The following SZT2 variants were observed in gnomAD, a reference collection of about 807,000 sequenced individuals.
The protein encoded by SZT2 is SZT2 subunit of KICSTOR complex.
A neutral mutation model predicts 404.2 loss-of-function variants in SZT2; 216 were observed. That is an observed-to-expected ratio of 0.53 (90% CI 0.48 to 0.60). The LOEUF is 0.60. Among genes scored for constraint, SZT2 ranks in the 20% least tolerant of loss-of-function variants. The pLI is 0.00. For synonymous variants in SZT2, 1,693 were observed against 1,749.9 expected (o/e 0.97, Z 0.81); for missense variants, 3,857 against 4,459.2 (o/e 0.86, Z 3.85).
Position 43,453,662 on chromosome 1 carries a change from C to G in SZT2, c.*3182C>G. The G allele has an allele frequency of 1.3e-6, 2 of 1,484,614 alleles. No individual in the cohort carries two copies. The highest frequency in any genetic ancestry group is 1.8e-6 in the Non-Finnish European group (2 of 1,125,532). 92.0% of individuals were successfully genotyped at this position (1,484,614 alleles called of 1,614,324 possible). ...GCGCGGCGCGCGCCAGCGCCTCAGG[C>G]GTCTCCGCGTACGGCCAGGCCACCT... On this transcript the variant is annotated 3_prime_UTR_variant, in exon 72 of 72. Coordinates refer to ENST00000634258, the MANE Select transcript of SZT2 (RefSeq NM_001365999.1).
rs1656517653 is a variant in SZT2, at chr1:43,452,237, T to A, written c.*1757T>A. 1 of 1,613,902 alleles carries A rather than the reference T, an allele frequency of 6.2e-7. No homozygotes were observed. The highest frequency in any genetic ancestry group is 8.5e-7 in the Non-Finnish European group (1 of 1,179,912). ...AAAACCCCAGCTGCATGCCTCAGGT[T>A]CTCCAGAAAAACGGCCTCCATCTCA... On this transcript the variant is annotated 3_prime_UTR_variant, in exon 72 of 72. Coordinates refer to ENST00000634258, the MANE Select transcript of SZT2 (RefSeq NM_001365999.1).
In SZT2 at chr1:43,452,457, C is replaced by G. The variant is rs1374415652; in HGVS notation, c.*1977C>G. On this transcript the variant is annotated 3_prime_UTR_variant, in exon 72 of 72. Coordinates refer to ENST00000634258, the MANE Select transcript of SZT2 (RefSeq NM_001365999.1). ...CACCTGGGTCACGATGCCCAGGTAT[C>G]CCAGCACTTTCAGAGACACTTCAGT... 1.4e-6 allele frequency: 1 copy of G among 738,510 alleles called. No individual in the cohort carries two copies. Among genetic ancestry groups the G allele is most frequent in the Non-Finnish European group, 2.5e-6 (1 of 406,292 alleles). 45.7% of individuals were successfully genotyped at this position (738,510 alleles called of 1,614,324 possible). A position where few individuals can be genotyped will look rare whatever the true frequency, so the allele number is the denominator to read the frequency against.
rs1478711435 is a variant in SZT2, at chr1:43,437,037, GATC to G, written c.6035-128_6035-126del. 1.6e-5 allele frequency: 19 copies of G among 1,208,246 alleles called. No individual in the cohort carries two copies. Among genetic ancestry groups the G allele is most frequent in the Middle Eastern group, 2.7e-4 (1 of 3,688 alleles). 74.8% of individuals were successfully genotyped at this position (1,208,246 alleles called of 1,614,324 possible). ...CTGGCCCTGTCGTGTTACCCAGAAT[GATC>G]ATCATTTCTCTGCAATAGTCAGGGA... On this transcript the variant is annotated intron_variant, in intron 42 of 71. Coordinates refer to ENST00000634258, the MANE Select transcript of SZT2 (RefSeq NM_001365999.1). The surrounding 1 kb of genome is among the most constrained non-coding windows in gnomAD (Gnocchi z 5.3).
In SZT2 at chr1:43,442,544, T is replaced by A. The variant is rs1655179001; in HGVS notation, c.8077T>A (p.Phe2693Ile). 2 of 1,614,064 alleles carry A rather than the reference T, an allele frequency of 1.2e-6. No individual in the cohort carries two copies. The highest frequency in any genetic ancestry group is 1.7e-6 in the Non-Finnish European group (2 of 1,179,960). Residue 2693 changes from phenylalanine to isoleucine, a missense_variant, in exon 58 of 72, where the codon TTC becomes ATC. This residue lies in a region of SZT2 where 573 missense variants were observed against 592.4 expected (regional missense o/e 0.97). Transcript: ENST00000634258. This position sits in a 1 kb window ranked among gnomAD's most constrained non-coding sequence, Gnocchi z 4.5. ...GCAGAATGCACGAGCCCATCTCATC[T>A]TCTGCCTACTCAGCCAGAAGCTTGG... ...QWQNARAHLI[F>I]CLLSQKLGLF...
At chr1:43,409,393 A>G (rs1312269171) in intron 4 of SZT2, 1 of 283,928 alleles carries the variant, frequency 3.5e-6, no homozygotes, top group Non-Finnish European at 7.1e-6. Context: ...TTTTGAGCGT[A>G]AAAGAGAGAA....
intron 3 of SZT2, 28 bp from the exon 4 acceptor site, chr1:43,404,352 C>A: frequency 1.3e-6 from 2 of 1,598,038 alleles, no homozygotes; most frequent in South Asian, 1.1e-5. Flanking sequence ...CCTTTGGACC[C>A]CCTTGAGTGC....
rs2153933166 is a variant in SZT2, at chr1:43,426,086, T to A, written c.2978T>A (p.Phe993Tyr). Residue 993 changes from phenylalanine to tyrosine, a missense_variant, in exon 21 of 72, where the codon TTT becomes TAT. Physicochemically the swap from Phe to Tyr is conservative, Grantham distance 22. Coordinates refer to ENST00000634258, the MANE Select transcript of SZT2 (RefSeq NM_001365999.1). This position sits in a 1 kb window ranked among gnomAD's most constrained non-coding sequence, Gnocchi z 4.9. ...DTCVHEIPFH[F>Y]DLMGLLPQCQ... ...TGCGTCCATGAGATCCCTTTCCATT[T>A]TGACCTAATGGGATTGCTGCCACAG... is the stretch of plus-strand genomic sequence containing the variant. 6.2e-7 allele frequency: 1 copy of A among 1,614,170 alleles called. No individual in the cohort carries two copies. Among genetic ancestry groups the A allele is most frequent in the Middle Eastern group, 1.7e-4 (1 of 6,058 alleles).
In SZT2 at chr1:43,428,023, C is replaced by G. The variant is rs766945400; in HGVS notation, c.3824C>G (p.Pro1275Arg). 6.2e-7 allele frequency: 1 copy of G among 1,614,146 alleles called. No homozygotes were observed. The highest frequency in any genetic ancestry group is 2.2e-5 in the East Asian group (1 of 44,888). ...CCTAGGACTCAGTTCCTCGACCACC[C>G]CTCCCCATCCTCAGCCTGGATGGAA... ...LIFRTQFLDHPSPSSAWMEPR... is the reference protein window; with the variant it reads ...LIFRTQFLDHRSPSSAWMEPR... Residue 1275 changes from proline (P) to arginine (R), a missense_variant, in exon 27 of 72, where the codon CCC becomes CGC. Around this residue, in one of 7 missense-constraint regions of SZT2, gnomAD observed 1,725 missense variants for 1,881.0 expected, o/e 0.92. Transcript: ENST00000634258.
At chr1:43,397,660 T>C (rs1649167819) in intron 1 of SZT2, among the ~76,000 whole-genome samples, 1 of 151,812 alleles carries the variant, frequency 6.6e-6, no homozygotes, top group South Asian at 2.1e-4. Context: ...CCTAAGTAGC[T>C]GGGACTACAG....
At position 43,424,442 on chromosome 1, in the gene SZT2, C is replaced by T; in HGVS notation, c.2471+10C>T. The T allele has an allele frequency of 1.3e-6, 2 of 1,596,530 alleles. No homozygotes were observed. The highest frequency in any genetic ancestry group is 1.7e-6 in the Non-Finnish European group (2 of 1,178,836). On this transcript the variant is annotated intron_variant, in intron 16 of 71. Coordinates refer to ENST00000634258, the MANE Select transcript of SZT2 (RefSeq NM_001365999.1). The surrounding 1 kb of genome is among the most constrained non-coding windows in gnomAD (Gnocchi z 4.1). ...TCTCCATCCTCACTGAGTATGTCAT[C>T]CAAGCCTGCCAGGTCACTCGGGGCA...
rs1411883727 is a variant in SZT2, at chr1:43,427,265, G to T, written c.3434-16G>T. ...GGCCCACCAGGCAGCTCTGATTTAT[G>T]TCTGATCCTCTTCAGATGTCCAGCG... On this transcript the variant is annotated splice_polypyrimidine_tract_variant and intron_variant, in intron 24 of 71. Transcript: ENST00000634258. 1 of 1,607,086 alleles carries T rather than the reference G, an allele frequency of 6.2e-7. No individual in the cohort carries two copies. The highest frequency in any genetic ancestry group is 2.2e-5 in the East Asian group (1 of 44,794).
In SZT2 at chr1:43,420,344, C is replaced by T. The variant is rs777088797; in HGVS notation, c.1261+21C>T. On this transcript the variant is annotated intron_variant, in intron 9 of 71. Coordinates refer to ENST00000634258, the MANE Select transcript of SZT2 (RefSeq NM_001365999.1). This position sits in a 1 kb window ranked among gnomAD's most constrained non-coding sequence, Gnocchi z 5.1. ...CAAAGGTAAGGGTCATTAGGCCCTG[C>T]TGTAATCCCATAGATCTCTCAAGAA... is the stretch of plus-strand genomic sequence containing the variant. 6.4e-7 allele frequency: 1 copy of T among 1,552,028 alleles called. No individual in the cohort carries two copies. Among genetic ancestry groups the T allele is most frequent in the Non-Finnish European group, 8.7e-7 (1 of 1,154,578 alleles).
At position 43,453,554 on chromosome 1, in the gene SZT2, G is replaced by A. The variant is rs1402818178; in HGVS notation, c.*3074G>A. 3 of 1,518,046 alleles carry A rather than the reference G, an allele frequency of 2.0e-6. No homozygotes were observed. Among genetic ancestry groups the A allele is most frequent in the East Asian group, 2.5e-5 (1 of 40,470 alleles). 94.0% of individuals were successfully genotyped at this position (1,518,046 alleles called of 1,614,324 possible). On this transcript the variant is annotated 3_prime_UTR_variant, in exon 72 of 72. Transcript: ENST00000634258. ...CGGACACTCCCCTGCCCGCGCCCCG[G>A]CACCCCCCAGCCCTCCCAGCCCTCC...
In SZT2 at chr1:43,437,987, C is replaced by T. The variant is rs1654643813; in HGVS notation, c.6508+85C>T. ...TTCTCTTAGAACCTTGCAAGCATTA[C>T]ACTAGAAGTTATGTAACAGTCTCAG... On this transcript the variant is annotated intron_variant, in intron 46 of 71. Coordinates refer to ENST00000634258, the MANE Select transcript of SZT2 (RefSeq NM_001365999.1). The surrounding 1 kb of genome is among the most constrained non-coding windows in gnomAD (Gnocchi z 5.3). 5 of 1,351,158 alleles carry T rather than the reference C, an allele frequency of 3.7e-6. No individual in the cohort carries two copies. The highest frequency in any genetic ancestry group is 5.3e-6 in the Non-Finnish European group (5 of 950,126). The allele number at this position is 1,351,158 out of a possible 1,614,324, so 83.7% of individuals were successfully genotyped here. A position where few individuals can be genotyped will look rare whatever the true frequency, so the allele number is the denominator to read the frequency against.
At position 43,426,892 on chromosome 1, in the gene SZT2, C is replaced by T. The variant is rs1213151190; in HGVS notation, c.3309+83C>T. The T allele has an allele frequency of 6.4e-7, 1 of 1,555,760 alleles. No individual in the cohort carries two copies. Among genetic ancestry groups the T allele is most frequent in the East Asian group, 2.3e-5 (1 of 44,402 alleles). On this transcript the variant is annotated intron_variant, in intron 23 of 71. Coordinates refer to ENST00000634258, the MANE Select transcript of SZT2 (RefSeq NM_001365999.1). The surrounding 1 kb of genome is among the most constrained non-coding windows in gnomAD (Gnocchi z 4.9). ...ATCTTCAGGCCCCAACCTTCTACCG[C>T]CCTTGAGACTAAATGGCATCTGCCA... is the stretch of plus-strand genomic sequence containing the variant.
rs1386568279 is a variant in SZT2 at position 43,424,144 on chromosome 1, G to A, written c.2256-73G>A. 7.6e-7 allele frequency: 1 copy of A among 1,309,316 alleles called. No individual in the cohort carries two copies. Among genetic ancestry groups the A allele is most frequent in the South Asian group, 1.3e-5 (1 of 75,050 alleles). 81.1% of individuals were successfully genotyped at this position (1,309,316 alleles called of 1,614,324 possible). On this transcript the variant is annotated intron_variant, in intron 15 of 71. Transcript: ENST00000634258. This position sits in a 1 kb window ranked among gnomAD's most constrained non-coding sequence, Gnocchi z 4.1. Reference sequence around the variant, plus strand: ...GGGCGTGGCTTAGCCAGCTGTGAGTGGTACAGAGGTGTGGAAGGGCGTGGC... The same window carrying A: ...GGGCGTGGCTTAGCCAGCTGTGAGTAGTACAGAGGTGTGGAAGGGCGTGGC...
In SZT2 at chr1:43,447,068, T is replaced by C. The variant is rs2153936722; in HGVS notation, c.9186T>C (p.His3062=). The part of the protein sequence containing the change: ...RLVHQHVLGA[H]LVLRHGYHLT... ...TGCATCAGCACGTGCTAGGTGCCCA[T>C]CTGGTGCTGCGGCACGGCTACCACC... is the stretch of plus-strand genomic sequence containing the variant. The change falls in exon 66 of 72, where the codon CAT becomes CAC. Residue 3062 remains histidine, a synonymous_variant. Transcript: ENST00000634258. 6.2e-7 allele frequency: 1 copy of C among 1,613,990 alleles called. No homozygotes were observed. The highest frequency in any genetic ancestry group is 2.2e-5 in the East Asian group (1 of 44,886).
chr1:43,396,949 C>T (rs954018697), intron 1 of SZT2, among the ~76,000 whole-genome samples: 1 of 152,110 alleles, frequency 6.6e-6, no homozygotes, highest in Admixed American at 6.6e-5. Context: ...AGGAACTCTT[C>T]GTCAACAAAA....
chr1:43,434,739 C>T (rs1019924985), intron 41 of SZT2, among the ~76,000 whole-genome samples: 1 of 152,158 alleles, frequency 6.6e-6, no homozygotes, highest in Non-Finnish European at 1.5e-5. Context: ...CCTCTCATTG[C>T]ACTGTGCTAG....
Sources: allele counts gnomAD v4.1 joint callset (sites outside exome capture counted in the v4.1 genomes callset), GRCh38; gene constraint gnomAD v4.1.1; regional missense constraint gnomAD v4.1.1; non-coding constraint Gnocchi (gnomAD v3.1); transcripts MANE v1.5; gene names NCBI Gene and HGNC (gene_info 2026-07-23, HGNC 2026-07-21).